The following CPNE4 variants were observed in gnomAD, a reference collection of about 807,000 sequenced individuals.
The protein encoded by CPNE4 is copine 4, also known as copine-4.
In CPNE4, 25 loss-of-function variants were observed where a neutral mutation model predicts 67.9. The ratio of observed to expected loss-of-function variants is 0.37; its 90% CI spans 0.27 to 0.51. The LOEUF is 0.51. CPNE4 is among the 20% of genes least tolerant of loss of function. The pLI is 0.93. For synonymous variants in CPNE4, 242 were observed against 244.9 expected (o/e 0.99, Z 0.11); for missense variants, 464 against 690.8 (o/e 0.67, Z 3.68).
At chr3:131,823,374 C>A (rs556256642) in intron 2 of CPNE4, among the ~76,000 whole-genome samples, 2 of 152,166 alleles carry the variant, frequency 1.3e-5, no homozygotes, top group Non-Finnish European at 2.9e-5. Flanking sequence ...CTGACTGCAA[C>A]GCTCTTGAGC....
chr3:131,910,877 A>G (rs1444967910), intron 1 of CPNE4, among the ~76,000 whole-genome samples: 1 of 152,130 alleles, frequency 6.6e-6, no homozygotes, highest in Non-Finnish European at 1.5e-5. Flanking sequence ...AAAACCGTAA[A>G]TGTTCTTTTC....
At chr3:131,876,114 C>T (rs1449329470) in intron 2 of CPNE4, among the ~76,000 whole-genome samples, 1 of 152,100 alleles carries the variant, frequency 6.6e-6, no homozygotes, top group Non-Finnish European at 1.5e-5. Flanking sequence ...TGGCACACGC[C>T]TGTAGTCCCA....
chr3:131,663,078 T>G (rs895509044), intron 7 of CPNE4, among the ~76,000 whole-genome samples: 1 of 152,124 alleles, frequency 6.6e-6, no homozygotes, highest in Admixed American at 6.6e-5. Flanking sequence ...CCATTAATGA[T>G]AGACTGGATA....
chr3:132,004,434 A>G (rs1299389933), intron 1 of CPNE4, among the ~76,000 whole-genome samples: 2 of 152,124 alleles, frequency 1.3e-5, no homozygotes, highest in Non-Finnish European at 2.9e-5. Flanking sequence ...AGAGACAGAG[A>G]CAGAAAGATG....
intron 1 of CPNE4, among the ~76,000 whole-genome samples, chr3:131,945,905 C>T (rs566862356): frequency 7.2e-5 from 11 of 152,294 alleles, no homozygotes; most frequent in South Asian, 6.2e-4. Context: ...GTGCACAACC[C>T]TTGCTGCACA....
At chr3:131,613,568 C>T (rs559021947) in intron 7 of CPNE4, among the ~76,000 whole-genome samples, 7 of 152,284 alleles carry the variant, frequency 4.6e-5, no homozygotes, top group African/African-American at 1.2e-4. Context: ...CCTTGCAAAA[C>T]GTTGTTCATA....
chr3:131,748,416 T>A (rs1165613138), intron 2 of CPNE4, among the ~76,000 whole-genome samples: 1 of 151,992 alleles, frequency 6.6e-6, no homozygotes, highest in Non-Finnish European at 1.5e-5. Context: ...TTTAATAATT[T>A]TTTTGTCTGG....
chr3:131,699,417 T>C (rs2081240502), intron 4 of CPNE4, among the ~76,000 whole-genome samples: 1 of 152,166 alleles, frequency 6.6e-6, no homozygotes, highest in Non-Finnish European at 1.5e-5. Flanking sequence ...ACAGTAAACC[T>C]CCAAACTATT....
At chr3:131,817,208 G>T (rs558467928) in intron 2 of CPNE4, among the ~76,000 whole-genome samples, 2 of 152,158 alleles carry the variant, frequency 1.3e-5, no homozygotes, top group Non-Finnish European at 2.9e-5. Context: ...GGAAACTGGA[G>T]TGTGGGAGTG....
intron 2 of CPNE4, among the ~76,000 whole-genome samples, chr3:131,773,611 G>A (rs549322366): frequency 1.1e-4 from 17 of 152,166 alleles, no homozygotes; most frequent in African/African-American, 3.4e-4. Flanking sequence ...GTCTCCCAGA[G>A]TGCTGGGATT....
intron 1 of CPNE4, among the ~76,000 whole-genome samples, chr3:132,022,341 T>C (rs6779525): frequency 0.025 from 3,867 of 152,304 alleles, 164 homozygotes; most frequent in African/African-American, 0.086. Flanking sequence ...CATGGAACCA[T>C]TGAGTCAAAA....
intron 1 of CPNE4, among the ~76,000 whole-genome samples, chr3:132,031,374 A>G (rs2074230745): frequency 6.6e-6 from 1 of 152,218 alleles, no homozygotes. Context: ...AAGATCAAAT[A>G]TGGAACACAA....
At chr3:131,859,019 G>A (rs925167443) in intron 2 of CPNE4, among the ~76,000 whole-genome samples, 3 of 152,112 alleles carry the variant, frequency 2.0e-5, no homozygotes, top group African/African-American at 4.8e-5. Flanking sequence ...ACTGTCTAAC[G>A]AAGCTAGTGG....
At chr3:131,687,786 A>G (rs571283435) in intron 5 of CPNE4, among the ~76,000 whole-genome samples, 2 of 152,342 alleles carry the variant, frequency 1.3e-5, no homozygotes, top group South Asian at 4.1e-4. Flanking sequence ...AGTACCATCT[A>G]GGTTGCTGGT....
chr3:131,895,556 AATTTT>A (rs1215960450), intron 2 of CPNE4, among the ~76,000 whole-genome samples: 2 of 84,648 alleles, frequency 2.4e-5, no homozygotes. Flanking sequence ...ATCCTGAGTT[AATTTT>A]ATTTTTTTTG....
chr3:132,022,934 C>T (rs899375962), intron 1 of CPNE4, among the ~76,000 whole-genome samples: 4 of 152,106 alleles, frequency 2.6e-5, no homozygotes, highest in South Asian at 2.1e-4. Flanking sequence ...CATTGATCAC[C>T]GATTGAGAAC....
At chr3:131,790,858 C>T (rs1301578567) in intron 2 of CPNE4, among the ~76,000 whole-genome samples, 1 of 152,118 alleles carries the variant, frequency 6.6e-6, no homozygotes, top group Non-Finnish European at 1.5e-5. Flanking sequence ...ACAGTATTTC[C>T]ATTTTATTTT....
intron 7 of CPNE4, among the ~76,000 whole-genome samples, chr3:131,633,006 G>T (rs1286175381): frequency 6.6e-6 from 1 of 151,924 alleles, no homozygotes. Flanking sequence ...TCCATTTCTG[G>T]TGCCTAACAT....
chr3:131,574,887 T>G (rs1051793501), intron 10 of CPNE4, among the ~76,000 whole-genome samples, 184 bp downstream of exon 10: 7 of 152,042 alleles, frequency 4.6e-5, no homozygotes, highest in Admixed American at 3.3e-4. Flanking sequence ...CTATACTTAT[T>G]AAAGAAAACA....
Sources: allele counts gnomAD v4.1 joint callset (sites outside exome capture counted in the v4.1 genomes callset), GRCh38; gene constraint gnomAD v4.1.1; transcripts MANE v1.5; gene names NCBI Gene and HGNC (gene_info 2026-07-23, HGNC 2026-07-21).